CERS4: variants seen among roughly 807,000 people sequenced by gnomAD.
CERS4 encodes the protein LAG1 homolog, ceramide synthase 4.
Under a neutral mutation model 51.8 loss-of-function variants are expected in CERS4, and 65 were observed. The observed-to-expected ratio is 1.26, with a 90% CI of 1.03 to 1.54. CERS4 has a LOEUF of 1.54. Among genes scored for constraint, CERS4 ranks in the 40% most tolerant of loss-of-function variants. The pLI is 0.00. For synonymous variants in CERS4, 228 were observed against 208.4 expected (o/e 1.09, Z -0.81); for missense variants, 563 against 500.4 (o/e 1.13, Z -1.19).
intron 10 of CERS4, among the ~76,000 whole-genome samples, chr19:8,260,805 G>T (rs1052675416): frequency 1.3e-5 from 2 of 151,726 alleles, no homozygotes; most frequent in African/African-American, 4.8e-5. Flanking sequence ...ACAAAAATTA[G>T]CTGGGCGTGG....
chr19:8,223,928 G>A (rs554730002), intron 2 of CERS4, among the ~76,000 whole-genome samples: 50 of 150,744 alleles, frequency 3.3e-4, no homozygotes, highest in African/African-American at 1.2e-3. Flanking sequence ...GTAAAACCCC[G>A]TCTCTACTAA....
At chr19:8,254,789 C>T (rs993566519) in intron 4 of CERS4, among the ~76,000 whole-genome samples, 173 bp downstream of exon 4, 5 of 152,150 alleles carry the variant, frequency 3.3e-5, no homozygotes, top group African/African-American at 1.2e-4. Context: ...CTCTACCCCC[C>T]AGCCTCCCTG....
Position 8,257,927 on chromosome 19 carries a change from C to G in CERS4, c.790C>G (p.Leu264Val), listed in dbSNP as rs1202115771. The G allele has an allele frequency of 2.5e-6, 4 of 1,614,098 alleles. No individual in the cohort carries two copies. The highest frequency in any genetic ancestry group is 3.4e-6 in the Non-Finnish European group (4 of 1,180,028). ...GCAGTATCAGCAAGTGTGCGACGCTCTCTTCCTCATCTTCTCCTTTGTCTT... is the reference window on the plus strand; with the variant it reads ...GCAGTATCAGCAAGTGTGCGACGCTGTCTTCCTCATCTTCTCCTTTGTCTT... The part of the protein sequence containing the change: ...YMQYQQVCDA[L>V]FLIFSFVFFY... The change falls in exon 10 of 12, where the codon CTC becomes GTC. Residue 264 changes from leucine to valine, a missense_variant. By Grantham distance (32) the Leu-to-Val change is conservative. Transcript: ENST00000251363.
At chr19:8,218,706 C>T (rs561973379) in intron 2 of CERS4, among the ~76,000 whole-genome samples, 23 of 152,222 alleles carry the variant, frequency 1.5e-4, no homozygotes, top group Admixed American at 4.6e-4. Flanking sequence ...AGAGGAGGGG[C>T]GGTCCTGGAC....
intron 3 of CERS4, 78 bp from the exon 4 acceptor site, chr19:8,254,421 G>A (rs932661881): frequency 1.8e-5 from 24 of 1,339,504 alleles, no homozygotes; most frequent in East Asian, 1.2e-4. Flanking sequence ...TTATCCCACC[G>A]GCAGCATGTC....
intron 3 of CERS4, 61 bp from the exon 4 acceptor site, chr19:8,254,438 C>T: frequency 1.3e-6 from 2 of 1,511,206 alleles, no homozygotes; most frequent in Non-Finnish European, 1.8e-6. Flanking sequence ...TGTCTGCCCC[C>T]ACACACAGGC....
intron 10 of CERS4, chr19:8,261,284 GATGAGGCCCCACCGCCTGCCTTCCTGAC>G (rs959101021): frequency 3.7e-5 from 7 of 187,198 alleles, no homozygotes; most frequent in Admixed American, 1.7e-4. Context: ...CTTCCTGGGA[GATGAGGCCCCACCGCCTGCCTTCCTGAC>G]ATGAAGCCCC....
intron 8 of CERS4, 110 bp downstream of exon 8, chr19:8,256,820 C>T (rs1280730285): frequency 2.5e-6 from 4 of 1,574,264 alleles, no homozygotes; most frequent in East Asian, 4.5e-5. Flanking sequence ...GTGCCTCCTG[C>T]AGGAGATATA....
At chr19:8,221,662 C>T (rs930177182) in intron 2 of CERS4, among the ~76,000 whole-genome samples, 1 of 150,244 alleles carries the variant, frequency 6.7e-6, no homozygotes, top group African/African-American at 2.5e-5. Flanking sequence ...TCTCCTGCCT[C>T]GGCCTCCCAA....
intron 10 of CERS4, among the ~76,000 whole-genome samples, chr19:8,258,785 C>T (rs543356007): frequency 2.8e-4 from 42 of 149,962 alleles, no homozygotes; most frequent in African/African-American, 9.6e-4. Context: ...GAGGCTACAG[C>T]GAATCAAGAT....
intron 2 of CERS4, among the ~76,000 whole-genome samples, chr19:8,240,275 C>G (rs1212691456): frequency 6.6e-6 from 1 of 152,028 alleles, no homozygotes; most frequent in Non-Finnish European, 1.5e-5. Flanking sequence ...ATAAGGGGCT[C>G]AGGTAAGGCG....
intron 2 of CERS4, among the ~76,000 whole-genome samples, chr19:8,221,572 A>G (rs942943944): frequency 2.0e-5 from 3 of 150,354 alleles, no homozygotes; most frequent in African/African-American, 7.3e-5. Context: ...TTGAGACGGA[A>G]TCTTGCTCTG....
At chr19:8,240,377 C>T (rs972482065) in intron 2 of CERS4, 1 of 152,218 alleles carries the variant, frequency 6.6e-6, no homozygotes, top group South Asian at 2.1e-4. Context: ...TGTGGGACCT[C>T]TGCTCAGAGA....
intron 2 of CERS4, chr19:8,240,585 A>AATGTGTGTGTGTGTGTGTGTGTGTGT (rs1555776365): frequency 1.4e-5 from 2 of 142,080 alleles, no homozygotes; most frequent in Non-Finnish European, 3.0e-5. Context: ...AATGTATGCA[A>AATGTGTGTGTGTGTGTGTGTGTGTGT]GTGTGTGTGT....
At chr19:8,247,626 C>T (rs1383426201) in intron 2 of CERS4, among the ~76,000 whole-genome samples, 2 of 152,016 alleles carry the variant, frequency 1.3e-5, no homozygotes, top group Non-Finnish European at 1.5e-5. Flanking sequence ...TGCTATGTTG[C>T]CCAGGCTGGT....
intron 6 of CERS4, 51 bp downstream of exon 6, chr19:8,255,930 C>T: frequency 5.0e-6 from 8 of 1,586,288 alleles, no homozygotes; most frequent in Non-Finnish European, 6.9e-6. Context: ...TCCACCTGGC[C>T]TAGATCTGGC....
chr19:8,210,117 G>A lies in CERS4; in HGVS notation c.-158-589G>A, dbSNP rs368119316. On this transcript the variant is annotated intron_variant, in intron 1 of 11. Coordinates refer to ENST00000251363, the MANE Select transcript of CERS4 (RefSeq NM_024552.3). This position sits in a 1 kb window ranked among gnomAD's most constrained non-coding sequence, Gnocchi z 4.2. ...TCTGAGGTGGAGAGAGGTTGGCCGG[G>A]GCCTGGGAAGCGGCGAGGAGAGTGT... Among the ~76,000 whole-genome samples the A allele has an allele frequency of 6.6e-6, 1 of 152,174 alleles. No individual in the cohort carries two copies. Among genetic ancestry groups the A allele is most frequent in the Non-Finnish European group, 1.5e-5 (1 of 68,040 alleles).
rs535061604 is a variant in CERS4, at chr19:8,254,808, C to T, written c.291+192C>T. Among the ~76,000 whole-genome samples the T allele has an allele frequency of 9.7e-4, 147 of 152,104 alleles. 7 individuals are homozygous for T. The South Asian group carries it at 0.028, about 29-fold the overall frequency. On this transcript the variant is annotated intron_variant, in intron 4 of 11. Transcript: ENST00000251363. ...ACCCCCCAGCCTCCCTGGGAAACGA[C>T]GCCCCACCCCTCCCAGCATCCCTGG...
intron 2 of CERS4, among the ~76,000 whole-genome samples, chr19:8,212,701 C>T (rs889409709): frequency 2.0e-5 from 3 of 151,816 alleles, no homozygotes; most frequent in East Asian, 1.9e-4. Flanking sequence ...TGCAATGGTG[C>T]GATCTCGGCC....
Sources: allele counts gnomAD v4.1 joint callset (sites outside exome capture counted in the v4.1 genomes callset), GRCh38; gene constraint gnomAD v4.1.1; non-coding constraint Gnocchi (gnomAD v3.1); transcripts MANE v1.5; gene names NCBI Gene and HGNC (gene_info 2026-07-23, HGNC 2026-07-21).